FBXL2: variants seen among roughly 807,000 people sequenced by gnomAD.
FBXL2 encodes the protein F-box/LRR-repeat protein 2.
FBXL2 carries 38 observed loss-of-function variants against 69.2 expected under a neutral mutation model. The observed-to-expected ratio is 0.55, with a 90% CI of 0.42 to 0.72. The LOEUF (loss-of-function observed/expected upper bound fraction) is 0.72. FBXL2 is among the 30% of genes least tolerant of loss of function. FBXL2 has a pLI of 0.00. For synonymous variants in FBXL2, 192 were observed against 201.3 expected (o/e 0.95, Z 0.39); for missense variants, 354 against 520.3 (o/e 0.68, Z 3.11).
At chr3:33,375,168 T>C in intron 9 of FBXL2, 120 bp from the exon 10 acceptor site, 1 of 1,199,418 alleles carries the variant, frequency 8.3e-7, no homozygotes, top group Non-Finnish European at 1.2e-6. Context: ...GTTGAAGTTA[T>C]TTGGATAAAA....
chr3:33,401,955 G>A (rs550594240), intron 12 of FBXL2, among the ~76,000 whole-genome samples: 51 of 152,272 alleles, frequency 3.3e-4, no homozygotes, highest in African/African-American at 1.2e-3. Flanking sequence ...TACTCTTAAA[G>A]CATAATAGCC....
chr3:33,390,414 A>G, downstream of FBXL2: 1 of 1,606,438 alleles, frequency 6.2e-7, no homozygotes, highest in Admixed American at 1.7e-5. Flanking sequence ...GGCTTAGGAA[A>G]TTAAGCCTAT....
At chr3:33,378,813 G>A (rs991692869) in intron 13 of FBXL2, 72 bp downstream of exon 13, 1 of 1,612,550 alleles carries the variant, frequency 6.2e-7, no homozygotes, top group Non-Finnish European at 8.5e-7. Flanking sequence ...ACAAGAAGCT[G>A]TTTGGGTTCT....
At chr3:33,358,000 G>T (rs1281320323) in intron 2 of FBXL2, among the ~76,000 whole-genome samples, 1 of 152,160 alleles carries the variant, frequency 6.6e-6, no homozygotes, top group East Asian at 1.9e-4. Flanking sequence ...CATGTTTTAT[G>T]ATTCTACTCT....
chr3:33,354,194 C>T (rs1376914459), intron 2 of FBXL2, among the ~76,000 whole-genome samples: 4 of 151,946 alleles, frequency 2.6e-5, no homozygotes, highest in Non-Finnish European at 4.4e-5. Context: ...TATAGTAACT[C>T]TCTATACTAC....
At chr3:33,371,795 A>C (rs371470051) in intron 5 of FBXL2, among the ~76,000 whole-genome samples, 2 of 152,168 alleles carry the variant, frequency 1.3e-5, no homozygotes, top group African/African-American at 2.4e-5. Flanking sequence ...CAGTTGACTT[A>C]ATTGGGAATA....
intron 4 of FBXL2, among the ~76,000 whole-genome samples, chr3:33,360,918 CTTTTTT>C (rs58912118): frequency 3.5e-5 from 2 of 57,128 alleles, no homozygotes; most frequent in Non-Finnish European, 7.0e-5. Context: ...ACATGAAGAA[CTTTTTT>C]TTTTTTTTTT....
intron 2 of FBXL2, among the ~76,000 whole-genome samples, chr3:33,336,941 A>AGTG (rs2039630890): frequency 1.3e-5 from 2 of 151,662 alleles, no homozygotes; most frequent in Non-Finnish European, 2.9e-5. Context: ...GCAGTGGCTC[A>AGTG]CGTCTGTAAT....
At chr3:33,408,806 AC>A in the FBXL2 span, 1 of 1,609,568 alleles carries the variant, frequency 6.2e-7, no homozygotes, top group East Asian at 2.2e-5. Flanking sequence ...ATCTGGACAA[AC>A]ACCAAAGATT....
At chr3:33,392,663 T>A (rs985670129), downstream of FBXL2, 1 of 1,514,998 alleles carries the variant, frequency 6.6e-7, no homozygotes, top group Non-Finnish European at 9.0e-7. Context: ...CCAACTGTCG[T>A]TTCTTAAAAT....
At chr3:33,408,418 G>T (rs182238352), downstream of FBXL2, among the ~76,000 whole-genome samples, 73 of 152,248 alleles carry the variant, frequency 4.8e-4, no homozygotes, top group African/African-American at 1.7e-3. Context: ...GAAGGAGTCA[G>T]GGAGGGAATA....
Position 33,342,711 on chromosome 3 carries a change from CTTTTTTTTTTTTT to C in FBXL2, c.66-16236_66-16224del, listed in dbSNP as rs71070130. ...GATTCTTGCAAAACAAATATAACTTCTTTTTTTTTTTTTTTTTTTTTTTTTTTTTTTTGAGACA... is the reference window on the plus strand; with the variant it reads ...GATTCTTGCAAAACAAATATAACTTCTTTTTTTTTTTTTTTTTTTGAGACA... On this transcript the variant is annotated intron_variant, in intron 2 of 14. Transcript: ENST00000484457. Among the ~76,000 whole-genome samples the C allele has an allele frequency of 0.011, 408 of 37,930 alleles. 4 individuals carry two copies. The East Asian group carries it at 0.11, about 10-fold the overall frequency. 24.9% of individuals were successfully genotyped at this position (37,930 alleles called of 152,430 possible). A position where few individuals can be genotyped will look rare whatever the true frequency, so the allele number is the denominator to read the frequency against.
intron 2 of FBXL2, among the ~76,000 whole-genome samples, chr3:33,344,805 C>A (rs2040314519): frequency 6.6e-6 from 1 of 152,206 alleles, no homozygotes; most frequent in East Asian, 1.9e-4. Flanking sequence ...TTGATAAATT[C>A]TTACTAAAAC....
At chr3:33,279,845 T>A (rs556015584) in intron 1 of FBXL2, among the ~76,000 whole-genome samples, 1 of 152,240 alleles carries the variant, frequency 6.6e-6, no homozygotes, top group East Asian at 1.9e-4. Context: ...TTATCCTATT[T>A]TAGAGATGAG....
chr3:33,412,200 A>C, the FBXL2 span, among the ~76,000 whole-genome samples: 18 of 151,780 alleles, frequency 1.2e-4, no homozygotes, highest in Non-Finnish European at 2.1e-4. Context: ...AAAAAAAAAA[A>C]AAAAAAGATA....
At chr3:33,348,508 G>T (rs370801564) in intron 2 of FBXL2, among the ~76,000 whole-genome samples, 2 of 151,946 alleles carry the variant, frequency 1.3e-5, no homozygotes, top group Non-Finnish European at 2.9e-5. Context: ...TTGTGATTCC[G>T]TATAAATTTT....
At chr3:33,414,941 T>C in the FBXL2 span, among the ~76,000 whole-genome samples, 2 of 151,094 alleles carry the variant, frequency 1.3e-5, no homozygotes, top group African/African-American at 4.9e-5. Context: ...TATAAGTTAA[T>C]GGTTTTGCTA....
chr3:33,285,371 C>T (rs2034498373), intron 1 of FBXL2, among the ~76,000 whole-genome samples: 1 of 152,290 alleles, frequency 6.6e-6, no homozygotes, highest in Middle Eastern at 3.4e-3. Flanking sequence ...TATTGGCCCC[C>T]ACTCTCTTCT....
Position 33,303,597 on chromosome 3 carries a change from A to T in FBXL2, c.65+5872A>T, listed in dbSNP as rs147640224. ...TTATTCCTAGCAAATTATATTAGAGATCTATTCATTTAAAAACTGTGAATT... is the reference window on the plus strand; with the variant it reads ...TTATTCCTAGCAAATTATATTAGAGTTCTATTCATTTAAAAACTGTGAATT... On this transcript the variant is annotated intron_variant, in intron 2 of 14. Coordinates refer to ENST00000484457, the MANE Select transcript of FBXL2 (RefSeq NM_012157.5). Among the ~76,000 whole-genome samples, 25 of 152,262 alleles carry T rather than the reference A, an allele frequency of 1.6e-4. No individual in the cohort carries two copies. The East Asian group carries it at 4.2e-3, about 26-fold the overall frequency.
Sources: allele counts gnomAD v4.1 joint callset (sites outside exome capture counted in the v4.1 genomes callset), GRCh38; gene constraint gnomAD v4.1.1; transcripts MANE v1.5; gene names NCBI Gene and HGNC (gene_info 2026-07-23, HGNC 2026-07-21).